The following ANKRD36C variants were observed in gnomAD, a reference collection of about 807,000 sequenced individuals.
ANKRD36C encodes ankyrin repeat domain-containing protein 36C.
ANKRD36C carries 61 observed loss-of-function variants against 276.4 expected under a neutral mutation model. The observed-to-expected ratio is 0.22, with a 90% CI of 0.18 to 0.27. The LOEUF (loss-of-function observed/expected upper bound fraction) is 0.27, where lower values mean the gene tolerates loss of function less well. Among genes scored for constraint, ANKRD36C ranks in the 10% least tolerant of loss-of-function variants. ANKRD36C has a pLI of 1.00. For synonymous variants in ANKRD36C, 483 were observed against 680.1 expected, an observed-to-expected ratio of 0.71 and a Z score of 4.51; for missense variants, 1,447 against 2,032.3, an observed-to-expected ratio of 0.71 and a Z score of 5.54.
At chr2:95,890,728 T>C (rs1676324379) in intron 46 of ANKRD36C, among the ~76,000 whole-genome samples, 2 of 151,606 alleles carry the variant, frequency 1.3e-5, no homozygotes, top group African/African-American at 4.8e-5. Context: ...GTAAAACTGC[T>C]ACAAGCATTA....
chr2:95,921,022 TA>T (rs1677249317), intron 34 of ANKRD36C, among the ~76,000 whole-genome samples: 2 of 150,456 alleles, frequency 1.3e-5, no homozygotes, highest in Non-Finnish European at 3.0e-5. Flanking sequence ...CAAAATCAAA[TA>T]TTTTTTAGGC....
intron 44 of ANKRD36C, 93 bp downstream of exon 64, chr2:95,893,440 C>A (rs1418601545): frequency 4.7e-6 from 7 of 1,490,098 alleles, no homozygotes; most frequent in Non-Finnish European, 6.3e-6. Flanking sequence ...TCAGAAAGTG[C>A]AGCTTCGACG....
chr2:95,955,510 A>G (rs961292258), intron 13 of ANKRD36C, among the ~76,000 whole-genome samples: 7 of 152,120 alleles, frequency 4.6e-5, no homozygotes, highest in African/African-American at 1.4e-4. Context: ...CCTCATTTCT[A>G]TCAAACTAAG....
intron 59 of ANKRD36C, among the ~76,000 whole-genome samples, chr2:95,874,884 C>G (rs1675906404): frequency 6.6e-6 from 1 of 152,220 alleles, no homozygotes; most frequent in African/African-American, 2.4e-5. Context: ...TCAACAGACA[C>G]TTCTCAAAAG....
At chr2:95,882,169 T>A (rs1676098758) in intron 56 of ANKRD36C, 133 bp downstream of exon 76, 1 of 752,336 alleles carries the variant, frequency 1.3e-6, no homozygotes, top group Non-Finnish European at 2.2e-6. Context: ...GACAACTCAG[T>A]AGAAATGCAC....
At chr2:95,923,011 T>C (rs1333066071) in intron 32 of ANKRD36C, among the ~76,000 whole-genome samples, 1 of 151,630 alleles carries the variant, frequency 6.6e-6, no homozygotes, top group Non-Finnish European at 1.5e-5. Flanking sequence ...ACTTCTTCTT[T>C]TCCCTCTTTC....
chr2:95,916,032 A>G (rs1436888473), exon 38 of ANKRD36C: 2 of 1,574,732 alleles, frequency 1.3e-6, no homozygotes, highest in African/African-American at 2.7e-5. Flanking sequence ...TCGAAAAAGA[A>G]TCTTTCTCAT....
At chr2:95,875,489 G>T (rs1675927871) in intron 59 of ANKRD36C, among the ~76,000 whole-genome samples, 1 of 139,326 alleles carries the variant, frequency 7.2e-6, no homozygotes, top group African/African-American at 2.7e-5. Flanking sequence ...ATGAGAACAG[G>T]TGGACACAGG....
chr2:95,851,292 T>G (rs1441421706), intron 66 of ANKRD36C, 97 bp from the exon 87 acceptor site: 1 of 789,492 alleles, frequency 1.3e-6, no homozygotes, highest in Non-Finnish European at 2.1e-6. Context: ...TACTGTAGAT[T>G]GATCATCCCT....
chr2:95,959,513 A>G (rs570833094), intron 10 of ANKRD36C, among the ~76,000 whole-genome samples: 96 of 152,332 alleles, frequency 6.3e-4, no homozygotes, highest in Middle Eastern at 3.4e-3. Context: ...GCATACTTAT[A>G]CAAAATAAAG....
At chr2:95,963,547 T>C (rs1181351754) in intron 6 of ANKRD36C, among the ~76,000 whole-genome samples, 6 of 136,678 alleles carry the variant, frequency 4.4e-5, no homozygotes, top group East Asian at 4.1e-4. Flanking sequence ...ACAAAATCTA[T>C]GTCTCTGATT....
intron 59 of ANKRD36C, among the ~76,000 whole-genome samples, chr2:95,872,429 C>A (rs897057401): frequency 2.0e-5 from 3 of 151,106 alleles, no homozygotes; most frequent in Non-Finnish European, 4.4e-5. Context: ...GGGTACATAA[C>A]GAAATGAAGG....
In ANKRD36C at chr2:95,886,043, A is replaced by T; in HGVS notation, c.3163+5T>A. ...ACATTACATTAAAGGTGTATTCCAAAATACCTGTCCCACGTATTTGTCCAT... is the reference window on the plus strand; with the variant it reads ...ACATTACATTAAAGGTGTATTCCAATATACCTGTCCCACGTATTTGTCCAT... On this transcript the variant is annotated splice_donor_5th_base_variant and intron_variant, in intron 52 of 66. Coordinates refer to ENST00000456556, the Ensembl canonical transcript of ANKRD36C. 6.2e-7 allele frequency: 1 copy of T among 1,607,966 alleles called. No individual in the cohort carries two copies. Among genetic ancestry groups the T allele is most frequent in the East Asian group, 2.2e-5 (1 of 44,674 alleles).
chr2:95,869,710 A>G (rs936971523), intron 59 of ANKRD36C, among the ~76,000 whole-genome samples: 2 of 152,224 alleles, frequency 1.3e-5, no homozygotes, highest in African/African-American at 4.8e-5. Flanking sequence ...AGGGTGAGGC[A>G]TTGCCTCACT....
intron 44 of ANKRD36C, chr2:95,894,346 T>G (rs1331581447): frequency 6.5e-6 from 1 of 152,930 alleles, no homozygotes; most frequent in African/African-American, 2.4e-5. Flanking sequence ...TTGTATCCAC[T>G]AGTTTAGCCT....
intron 55 of ANKRD36C, 29 bp downstream of exon 75, chr2:95,882,440 A>C (rs1480578187): frequency 2.6e-6 from 4 of 1,547,784 alleles, no homozygotes; most frequent in Non-Finnish European, 1.7e-6. Context: ...GCAATAAATA[A>C]TTCAAAATAT....
At chr2:95,973,442 A>G (rs1479085738) in intron 6 of ANKRD36C, among the ~76,000 whole-genome samples, 3 of 152,182 alleles carry the variant, frequency 2.0e-5, no homozygotes, top group African/African-American at 7.2e-5. Context: ...AAAAACATAC[A>G]TAAAATAATT....
intron 56 of ANKRD36C, 105 bp from the exon 77 acceptor site, chr2:95,880,728 G>C: frequency 7.3e-7 from 1 of 1,369,710 alleles, no homozygotes; most frequent in Non-Finnish European, 9.9e-7. Flanking sequence ...GCCTGTATTA[G>C]TGTAGGGTTT....
exon 30 of ANKRD36C, chr2:95,925,416 A>C: frequency 1.9e-6 from 3 of 1,556,168 alleles, no homozygotes; most frequent in Non-Finnish European, 2.6e-6. Flanking sequence ...CTTTCTTTTT[A>C]AATATAACCT....
Sources: allele counts gnomAD v4.1 joint callset (sites outside exome capture counted in the v4.1 genomes callset), GRCh38; gene constraint gnomAD v4.1.1; transcripts MANE v1.5; gene names NCBI Gene and HGNC (gene_info 2026-07-23, HGNC 2026-07-21).